Variants in SORCS3 observed in about 807,000 individuals in gnomAD.
SORCS3 encodes the protein VPS10 domain-containing receptor SorCS3.
In SORCS3, 57 loss-of-function variants were observed where a neutral mutation model predicts 146.3. The ratio of observed to expected loss-of-function variants is 0.39; its 90% CI spans 0.31 to 0.49. The LOEUF (loss-of-function observed/expected upper bound fraction) is 0.49, where lower values mean the gene tolerates loss of function less well. Among genes scored for constraint, SORCS3 ranks in the 20% least tolerant of loss-of-function variants. The probability of loss-of-function intolerance (pLI) is 0.92; values close to 1 mark genes in which losing one functional copy is unlikely to be tolerated. For missense variants in SORCS3, 1,341 were observed against 1,575.5 expected, an observed-to-expected ratio of 0.85 and a Z score of 2.52; for synonymous variants, 653 against 618.5, an observed-to-expected ratio of 1.06 and a Z score of -0.83.
intron 5 of SORCS3, among the ~76,000 whole-genome samples, chr10:105,049,658 C>G (rs2055397651): frequency 6.6e-6 from 1 of 151,966 alleles, no homozygotes. Flanking sequence ...AAAATCATGT[C>G]CTTTGCAGCA....
At chr10:105,082,634 T>C (rs2055633111) in intron 5 of SORCS3, among the ~76,000 whole-genome samples, 1 of 152,252 alleles carries the variant, frequency 6.6e-6, no homozygotes, top group African/African-American at 2.4e-5. Context: ...TGAAGAAGAC[T>C]GGAAAAATCT....
chr10:105,162,050 C>T (rs534709909), intron 11 of SORCS3, among the ~76,000 whole-genome samples: 3 of 152,322 alleles, frequency 2.0e-5, no homozygotes, highest in East Asian at 3.9e-4. Context: ...AGCTTCCTCC[C>T]CAACTGAGCC....
chr10:105,178,241 G>A (rs777155184), intron 14 of SORCS3, 68 bp downstream of exon 14: 1 of 1,304,252 alleles, frequency 7.7e-7, no homozygotes, highest in Non-Finnish European at 1.1e-6. Flanking sequence ...TTGAGGCCTT[G>A]GATTTTTCCC....
At chr10:104,922,748 T>C (rs1052494436) in intron 3 of SORCS3, among the ~76,000 whole-genome samples, 8 of 149,386 alleles carry the variant, frequency 5.4e-5, no homozygotes, top group Admixed American at 4.6e-4. Flanking sequence ...GTTATCCCTG[T>C]TTCCAGTTGG....
chr10:105,072,755 C>T (rs1481448308), intron 5 of SORCS3, among the ~76,000 whole-genome samples: 4 of 148,498 alleles, frequency 2.7e-5, no homozygotes, highest in African/African-American at 1.0e-4. Context: ...TGTTTCCCCC[C>T]GTAGCCAGAT....
intron 22 of SORCS3, among the ~76,000 whole-genome samples, chr10:105,252,570 G>A (rs987907554): frequency 5.3e-5 from 8 of 152,176 alleles, no homozygotes; most frequent in African/African-American, 1.9e-4. Flanking sequence ...TAAGAGCAGG[G>A]GAGGTAGTGA....
At chr10:104,663,891 C>T (rs755858905) in intron 1 of SORCS3, among the ~76,000 whole-genome samples, 3 of 152,128 alleles carry the variant, frequency 2.0e-5, no homozygotes, top group South Asian at 2.1e-4. Context: ...CCATCCTTCT[C>T]GCCTTCCCCA....
At chr10:104,827,327 G>T (rs545359074) in intron 1 of SORCS3, among the ~76,000 whole-genome samples, 2 of 150,016 alleles carry the variant, frequency 1.3e-5, no homozygotes, top group South Asian at 4.5e-4. Flanking sequence ...TCTTGGAAGT[G>T]AAATTACTCC....
intron 1 of SORCS3, among the ~76,000 whole-genome samples, chr10:104,707,998 A>G (rs535314225): frequency 6.6e-6 from 1 of 152,338 alleles, no homozygotes; most frequent in South Asian, 2.1e-4. Flanking sequence ...ACTCAGTGCA[A>G]TATCTCTCAA....
At chr10:105,094,114 A>C (rs2055729242) in intron 6 of SORCS3, among the ~76,000 whole-genome samples, 1 of 152,208 alleles carries the variant, frequency 6.6e-6, no homozygotes, top group Non-Finnish European at 1.5e-5. Flanking sequence ...CTAATCTCAA[A>C]AGGTTACATG....
intron 5 of SORCS3, among the ~76,000 whole-genome samples, chr10:105,069,921 C>T (rs553077169): frequency 6.6e-6 from 1 of 152,240 alleles, no homozygotes; most frequent in Admixed American, 6.5e-5. Flanking sequence ...CCGATCCCAA[C>T]CTATCCCCCA....
At chr10:104,949,563 C>T (rs796998150) in intron 3 of SORCS3, among the ~76,000 whole-genome samples, 9 of 152,280 alleles carry the variant, frequency 5.9e-5, no homozygotes, top group African/African-American at 2.2e-4. Flanking sequence ...TGTAGCATTT[C>T]ATAAATACAT....
chr10:105,082,837 T>A (rs2055634406), intron 5 of SORCS3, among the ~76,000 whole-genome samples: 1 of 152,178 alleles, frequency 6.6e-6, no homozygotes, highest in African/African-American at 2.4e-5. Flanking sequence ...TTCAAGTGAT[T>A]CTCCTGCCTC....
At chr10:104,929,675 C>G (rs1432111635) in intron 3 of SORCS3, among the ~76,000 whole-genome samples, 1 of 152,216 alleles carries the variant, frequency 6.6e-6, no homozygotes, top group Non-Finnish European at 1.5e-5. Context: ...GGCTCTAAGC[C>G]TATCCCAGCA....
intron 20 of SORCS3, among the ~76,000 whole-genome samples, chr10:105,235,991 G>A (rs1005424918): frequency 3.9e-5 from 6 of 152,036 alleles, no homozygotes; most frequent in African/African-American, 1.4e-4. Flanking sequence ...GATGTTATTA[G>A]AACTTATATT....
chr10:105,218,475 T>A (rs2056678378), intron 19 of SORCS3, among the ~76,000 whole-genome samples: 1 of 152,192 alleles, frequency 6.6e-6, no homozygotes, highest in Non-Finnish European at 1.5e-5. Context: ...GTTTCCATTC[T>A]GGTGGGGAAG....
At chr10:104,832,499 C>A (rs2018012156) in intron 1 of SORCS3, among the ~76,000 whole-genome samples, 1 of 152,128 alleles carries the variant, frequency 6.6e-6, no homozygotes, top group Non-Finnish European at 1.5e-5. Flanking sequence ...GGGCGGACTG[C>A]CTGTGGTTAA....
intron 5 of SORCS3, among the ~76,000 whole-genome samples, chr10:105,085,665 A>T (rs144121332): frequency 6.6e-6 from 1 of 152,354 alleles, no homozygotes; most frequent in Non-Finnish European, 1.5e-5. Flanking sequence ...AAGGCACCCT[A>T]TGGGCTTGTA....
intron 1 of SORCS3, among the ~76,000 whole-genome samples, chr10:104,704,169 C>CTTTT (rs10694540): frequency 1.5e-5 from 2 of 137,778 alleles, no homozygotes; most frequent in Non-Finnish European, 3.1e-5. Flanking sequence ...CCTTCTATGA[C>CTTTT]TTTTTTTTTT....
Sources: gnomAD v4.1 joint callset for allele counts (sites outside exome capture counted in the v4.1 genomes callset) on GRCh38, gnomAD v4.1.1 for gene constraint, MANE v1.5 for transcripts, NCBI Gene and HGNC (gene_info 2026-07-23, HGNC 2026-07-21) for gene names.